SCAMP1: variants seen among roughly 807,000 people sequenced by gnomAD.
The protein encoded by SCAMP1 is secretory carrier membrane protein 1, also known as secretory carrier-associated membrane protein 1.
In SCAMP1, 15 loss-of-function variants were observed where a neutral mutation model predicts 41.8. The observed-to-expected ratio is 0.36, with a 90% CI of 0.24 to 0.55. The LOEUF is 0.55. Ranked by LOEUF, SCAMP1 falls within the 20% of genes least tolerant of loss-of-function variation. The pLI, the probability that SCAMP1 is intolerant of heterozygous loss-of-function variation, is 0.86. For missense variants in SCAMP1, 341 were observed against 412.6 expected, an observed-to-expected ratio of 0.83 and a Z score of 1.50; for synonymous variants, 135 against 136.8, an observed-to-expected ratio of 0.99 and a Z score of 0.09.
chr5:78,378,515 C>T (rs969422390), intron 1 of SCAMP1, among the ~76,000 whole-genome samples: 3 of 152,166 alleles, frequency 2.0e-5, no homozygotes, highest in African/African-American at 7.2e-5. Context: ...GTAGAGAAAC[C>T]TAGTATTGAA....
At chr5:78,422,646 A>G (rs912653375) in intron 6 of SCAMP1, among the ~76,000 whole-genome samples, 1 of 151,296 alleles carries the variant, frequency 6.6e-6, no homozygotes, top group Non-Finnish European at 1.5e-5. Flanking sequence ...TCATTTCAGG[A>G]TTTCTTACAC....
At chr5:78,432,334 T>C (rs1412070564) in intron 6 of SCAMP1, among the ~76,000 whole-genome samples, 3 of 152,144 alleles carry the variant, frequency 2.0e-5, no homozygotes, top group African/African-American at 7.2e-5. Flanking sequence ...TTGTATCATA[T>C]CATAATCTTT....
Position 78,477,346 on chromosome 5 carries a change from A to G in SCAMP1, c.*1678A>G, listed in dbSNP as rs751878929. The G allele has an allele frequency of 2.6e-5, 4 of 152,100 alleles. No individual in the cohort carries two copies. The highest frequency in any genetic ancestry group is 5.9e-5 in the Non-Finnish European group (4 of 67,966). 9.4% of individuals were successfully genotyped at this position (152,100 alleles called of 1,614,324 possible). ...TTCTTCAGCGTATGAATTTAAAGCT[A>G]TTTTTTGTAAATATTTCTAATCAGC... On this transcript the variant is annotated 3_prime_UTR_variant, in exon 9 of 9. Transcript: ENST00000621999.
chr5:78,449,839 G>C, intron 6 of SCAMP1, 94 bp from the exon 7 acceptor site: 1 of 705,430 alleles, frequency 1.4e-6, no homozygotes, highest in Admixed American at 3.0e-5. Context: ...TCATTCTGCA[G>C]GTAAATGTAA....
At chr5:78,458,129 A>G (rs1028380810) in intron 7 of SCAMP1, among the ~76,000 whole-genome samples, 9 of 152,056 alleles carry the variant, frequency 5.9e-5, no homozygotes, top group Non-Finnish European at 8.8e-5. Context: ...ATGGAAATGC[A>G]GAAATCACCC....
intron 2 of SCAMP1, among the ~76,000 whole-genome samples, chr5:78,392,013 G>T (rs1484237601): frequency 1.6e-5 from 2 of 122,212 alleles, no homozygotes; most frequent in Non-Finnish European, 3.5e-5. Flanking sequence ...GAGGGAGAGG[G>T]AGAGGGAGAG....
At chr5:78,466,795 G>A (rs1320021725) in intron 8 of SCAMP1, among the ~76,000 whole-genome samples, 1 of 152,134 alleles carries the variant, frequency 6.6e-6, no homozygotes, top group Non-Finnish European at 1.5e-5. Flanking sequence ...TGGGATTTGC[G>A]GGGCCGAGCA....
At position 78,478,055 on chromosome 5, in the gene SCAMP1, A is replaced by C. The variant is rs897290583; in HGVS notation, c.*2387A>C. On this transcript the variant is annotated 3_prime_UTR_variant, in exon 9 of 9. Coordinates refer to ENST00000621999, the MANE Select transcript of SCAMP1 (RefSeq NM_004866.6). ...TTTCAAACTAAAGTTTGAACACCGGAAAGTCATTACTCAGTGATTTGTAAT... is the reference window on the plus strand; with the variant it reads ...TTTCAAACTAAAGTTTGAACACCGGCAAGTCATTACTCAGTGATTTGTAAT... 6.6e-6 allele frequency: 1 copy of C among 152,574 alleles called. No individual in the cohort carries two copies. The highest frequency in any genetic ancestry group is 1.5e-5 in the Non-Finnish European group (1 of 67,992). The allele number at this position is 152,574 out of a possible 1,614,324, so 9.5% of individuals were successfully genotyped here.
chr5:78,374,295 C>G (rs569397045), intron 1 of SCAMP1, among the ~76,000 whole-genome samples: 1 of 152,052 alleles, frequency 6.6e-6, no homozygotes, highest in African/African-American at 2.4e-5. Context: ...GAATCTGAGG[C>G]AGAAGGCATA....
chr5:78,367,422 C>T (rs1196245245), intron 1 of SCAMP1, among the ~76,000 whole-genome samples: 2 of 152,074 alleles, frequency 1.3e-5, no homozygotes, highest in South Asian at 2.1e-4. Context: ...TTCAGATATC[C>T]TTACTCAAGT....
chr5:78,463,052 C>G lies in SCAMP1; in HGVS notation c.852+3690C>G, dbSNP rs1753656454. ...TTACTCTTTCAGTACTTTACTCAGA[C>G]ATTTGTCTTTTATCCTTCTCAAAAC... On this transcript the variant is annotated intron_variant, in intron 8 of 8. Coordinates refer to ENST00000621999, the MANE Select transcript of SCAMP1 (RefSeq NM_004866.6). Among the ~76,000 whole-genome samples the G allele has an allele frequency of 2.0e-5, 3 of 152,278 alleles. No individual in the cohort carries two copies. The South Asian group carries it at 6.2e-4, about 32-fold the overall frequency.
At chr5:78,431,590 A>G (rs1344402125) in intron 6 of SCAMP1, among the ~76,000 whole-genome samples, 26 of 81,446 alleles carry the variant, frequency 3.2e-4, no homozygotes, top group Middle Eastern at 7.7e-3. Flanking sequence ...CTTCTCCCCT[A>G]TTTCTTCATT....
intron 2 of SCAMP1, among the ~76,000 whole-genome samples, chr5:78,411,881 A>G (rs975049749): frequency 6.6e-6 from 1 of 152,280 alleles, no homozygotes; most frequent in Non-Finnish European, 1.5e-5. Context: ...ACTAGTGTAT[A>G]ATCCCACTTT....
At chr5:78,368,251 T>C (rs1385142028) in intron 1 of SCAMP1, among the ~76,000 whole-genome samples, 3 of 152,182 alleles carry the variant, frequency 2.0e-5, no homozygotes, top group Admixed American at 6.5e-5. Context: ...AGGTTGAGCA[T>C]CTCATATGGC....
chr5:78,466,171 TG>T (rs1222354256), intron 8 of SCAMP1, among the ~76,000 whole-genome samples: 21 of 152,260 alleles, frequency 1.4e-4, no homozygotes, highest in African/African-American at 4.8e-4. Context: ...TTGTGGTGTG[TG>T]GCAGTTTTCA....
intron 2 of SCAMP1, among the ~76,000 whole-genome samples, chr5:78,394,277 C>T (rs974896426): frequency 1.3e-5 from 2 of 152,130 alleles, no homozygotes; most frequent in South Asian, 4.2e-4. Context: ...TAACCTAGGC[C>T]CTGTCACTAA....
chr5:78,382,776 G>GGTGT (rs61523492), intron 1 of SCAMP1, among the ~76,000 whole-genome samples: 6,112 of 130,138 alleles, frequency 0.047, 125 homozygotes, highest in Middle Eastern at 0.068. Context: ...AGTATTCCAT[G>GGTGT]GTGTGTGTGT....
intron 6 of SCAMP1, among the ~76,000 whole-genome samples, chr5:78,437,952 T>A (rs958474182): frequency 1.1e-4 from 17 of 152,226 alleles, no homozygotes; most frequent in Non-Finnish European, 1.8e-4. Context: ...GGAGGGTGTA[T>A]GTATCCAGTA....
chr5:78,427,440 G>A (rs1752495315), intron 6 of SCAMP1, among the ~76,000 whole-genome samples: 1 of 152,162 alleles, frequency 6.6e-6, no homozygotes, highest in Non-Finnish European at 1.5e-5. Context: ...ATTTCAGTGT[G>A]AGGTTTGGGG....
Sources: gnomAD v4.1 joint callset for allele counts (sites outside exome capture counted in the v4.1 genomes callset) on GRCh38, gnomAD v4.1.1 for gene constraint, MANE v1.5 for transcripts, NCBI Gene and HGNC (gene_info 2026-07-23, HGNC 2026-07-21) for gene names.